The following RIPOR2 variants were observed in gnomAD, a reference collection of about 807,000 sequenced individuals.
The protein encoded by RIPOR2 is RHO family interacting cell polarization regulator 2, also known as rho family-interacting cell polarization regulator 2.
A neutral mutation model predicts 114.5 loss-of-function variants in RIPOR2; 39 were observed. The ratio of observed to expected loss-of-function variants is 0.34; its 90% CI spans 0.26 to 0.44. RIPOR2 has a LOEUF of 0.44. Ranked by LOEUF, RIPOR2 falls within the 20% of genes least tolerant of loss-of-function variation. RIPOR2 has a pLI of 1.00. For missense variants in RIPOR2, 1,007 were observed against 1,255.1 expected, an observed-to-expected ratio of 0.80 and a Z score of 2.99; for synonymous variants, 445 against 484.4, an observed-to-expected ratio of 0.92 and a Z score of 1.07.
chr6:24,994,955 A>G lies in RIPOR2; in HGVS notation c.76+46896T>C, dbSNP rs530790989. Reference sequence around the variant, plus strand: ...TTGTTTAGACATTATACTGTGATGTATATGGCCCCAGTGTCTGTGGCCAAC... The same window carrying G: ...TTGTTTAGACATTATACTGTGATGTGTATGGCCCCAGTGTCTGTGGCCAAC... On this transcript the variant is annotated intron_variant, in intron 1 of 13. Transcript: ENST00000510784. 2.0e-5 allele frequency among the ~76,000 whole-genome samples: 3 copies of G among 152,270 alleles called. No individual in the cohort carries two copies. The East Asian group carries it at 5.8e-4, about 29-fold the overall frequency.
At chr6:25,010,671 G>A (rs1010026361) in intron 1 of RIPOR2, among the ~76,000 whole-genome samples, 1 of 152,184 alleles carries the variant, frequency 6.6e-6, no homozygotes, top group Non-Finnish European at 1.5e-5. Flanking sequence ...ATAAGTAGGA[G>A]CCTGTGCTAT....
chr6:24,830,871 AC>A (rs1279642073), intron 16 of RIPOR2, among the ~76,000 whole-genome samples: 7 of 151,942 alleles, frequency 4.6e-5, no homozygotes, highest in Admixed American at 4.6e-4. Flanking sequence ...ATGCACCACC[AC>A]ACCTGGCTAA....
At chr6:25,015,399 G>C (rs761880463) in intron 1 of RIPOR2, 4 of 152,228 alleles carry the variant, frequency 2.6e-5, no homozygotes, top group Non-Finnish European at 5.9e-5. Context: ...TCTGAAATGA[G>C]CACAAAATAA....
chr6:24,828,291 A>T lies in RIPOR2; in HGVS notation c.2511T>A (p.Phe837Leu), dbSNP rs1435644230. 4.5e-6 allele frequency: 7 copies of T among 1,545,800 alleles called. No individual in the cohort carries two copies. Among genetic ancestry groups the T allele is most frequent in the Non-Finnish European group, 6.1e-6 (7 of 1,143,930 alleles). ...KEYPGLADPV[F>L]RTLVSQILDR... ...CCAGAATTTGGGACACCAGGGTTCGAAACACTATTCGGAAGGGAAAGACAC... is the reference window on the plus strand; with the variant it reads ...CCAGAATTTGGGACACCAGGGTTCGTAACACTATTCGGAAGGGAAAGACAC... The change falls in exon 18 of 22, where the codon TTT (phenylalanine) becomes TTA (leucine). Residue 837 changes from phenylalanine (F) to leucine (L), a missense_variant. Physicochemically the swap from Phe to Leu is conservative, Grantham distance 22 (BLOSUM62 0). Transcript: ENST00000643898.
chr6:24,808,656 C>T (rs532554684), intron 21 of RIPOR2, among the ~76,000 whole-genome samples: 2 of 151,944 alleles, frequency 1.3e-5, no homozygotes, highest in South Asian at 4.1e-4. Flanking sequence ...TTCTAAGCTG[C>T]AGTATTGATT....
chr6:24,931,963 C>G (rs957494245), intron 1 of RIPOR2: 2 of 152,304 alleles, frequency 1.3e-5, no homozygotes, highest in Admixed American at 1.3e-4. Context: ...GGATAGGAAC[C>G]TACACTGTGC....
chr6:24,900,306 C>T (rs1768298157), intron 1 of RIPOR2, among the ~76,000 whole-genome samples: 1 of 152,190 alleles, frequency 6.6e-6, no homozygotes, highest in East Asian at 1.9e-4. Context: ...TTTTCAGAGC[C>T]TCCATTCTCT....
chr6:24,988,779 G>A (rs1174561021), intron 1 of RIPOR2, among the ~76,000 whole-genome samples: 2 of 152,080 alleles, frequency 1.3e-5, no homozygotes, highest in Non-Finnish European at 2.9e-5. Context: ...ACAGGGGTTG[G>A]TTAGCCTGCT....
At chr6:24,807,857 C>T (rs1241470840) in intron 21 of RIPOR2, among the ~76,000 whole-genome samples, 4 of 152,168 alleles carry the variant, frequency 2.6e-5, no homozygotes, top group African/African-American at 7.2e-5. Flanking sequence ...GGCATTTTAT[C>T]AATTCCTATT....
intron 1 of RIPOR2, among the ~76,000 whole-genome samples, chr6:25,000,851 G>A (rs1007374306): frequency 7.6e-6 from 1 of 132,384 alleles, no homozygotes; most frequent in Non-Finnish European, 1.7e-5. Flanking sequence ...ATAAACATCC[G>A]TGGAGAAATG....
At chr6:24,946,165 C>T (rs1422014124) in intron 1 of RIPOR2, among the ~76,000 whole-genome samples, 1 of 151,900 alleles carries the variant, frequency 6.6e-6, no homozygotes, top group East Asian at 1.9e-4. Flanking sequence ...TCACTGCAAC[C>T]TCCACCTCCT....
intron 1 of RIPOR2, among the ~76,000 whole-genome samples, chr6:24,972,944 C>A (rs1773853121): frequency 6.6e-6 from 1 of 152,164 alleles, no homozygotes; most frequent in South Asian, 2.1e-4. Flanking sequence ...TAATGTGAAT[C>A]TTGGATCTGT....
chr6:24,948,103 G>A (rs1046148464), intron 1 of RIPOR2: 1 of 152,132 alleles, frequency 6.6e-6, no homozygotes, highest in Non-Finnish European at 1.5e-5. Flanking sequence ...CTATCCTTAC[G>A]TGTTCTGTAC....
At chr6:24,963,702 T>G (rs1408521781) in intron 1 of RIPOR2, among the ~76,000 whole-genome samples, 2 of 152,138 alleles carry the variant, frequency 1.3e-5, no homozygotes, top group African/African-American at 4.8e-5. Context: ...CAATTCTATT[T>G]CAGTTTTTAA....
chr6:24,811,323 T>G (rs374403465), intron 20 of RIPOR2, among the ~76,000 whole-genome samples: 20 of 147,138 alleles, frequency 1.4e-4, no homozygotes, highest in African/African-American at 5.1e-4. Flanking sequence ...AACCTCTGTC[T>G]CCTGGATTCA....
At chr6:24,910,837 G>A in intron 1 of RIPOR2, 1 of 985,482 alleles carries the variant, frequency 1.0e-6, no homozygotes, top group Non-Finnish European at 1.2e-6. Context: ...ACGGCTCCTT[G>A]TCATGTCAGG....
At chr6:24,943,511 T>G (rs1772248303) in intron 1 of RIPOR2, among the ~76,000 whole-genome samples, 1 of 151,494 alleles carries the variant, frequency 6.6e-6, no homozygotes, top group South Asian at 2.1e-4. Flanking sequence ...AATAAAGCCT[T>G]TCTTCCATAA....
chr6:24,993,120 ATCT>A (rs1774900804), intron 1 of RIPOR2, among the ~76,000 whole-genome samples: 1 of 151,960 alleles, frequency 6.6e-6, no homozygotes, highest in African/African-American at 2.4e-5. Context: ...TGTTTATTTG[ATCT>A]TCTCTCTATT....
At chr6:24,830,906 A>T (rs918801631) in intron 16 of RIPOR2, among the ~76,000 whole-genome samples, 4 of 151,702 alleles carry the variant, frequency 2.6e-5, no homozygotes, top group Non-Finnish European at 4.4e-5. Context: ...AGTAGAGATG[A>T]GGTATTACCA....
Sources: allele counts gnomAD v4.1 joint callset (sites outside exome capture counted in the v4.1 genomes callset), GRCh38; gene constraint gnomAD v4.1.1; transcripts MANE v1.5; gene names NCBI Gene and HGNC (gene_info 2026-07-23, HGNC 2026-07-21).